Variants in DIAPH3 observed in about 807,000 individuals in gnomAD.
DIAPH3 encodes protein diaphanous homolog 3.
In DIAPH3, 117 loss-of-function variants were observed where a neutral mutation model predicts 144.3. That is an observed-to-expected ratio of 0.81 (90% confidence interval 0.70 to 0.95). DIAPH3 has a LOEUF of 0.95. Among genes scored for constraint, DIAPH3 ranks in the 40% least tolerant of loss-of-function variants. The probability of loss-of-function intolerance (pLI) is 0.00; values close to 1 mark genes in which losing one functional copy is unlikely to be tolerated. For synonymous variants in DIAPH3, 519 were observed against 488.9 expected (o/e 1.06, Z -0.81); for missense variants, 1,421 against 1,412.7 (o/e 1.01, Z -0.09).
chr13:59,684,043 A>AG (rs974004636), intron 27 of DIAPH3, among the ~76,000 whole-genome samples: 7 of 151,410 alleles, frequency 4.6e-5, no homozygotes, highest in African/African-American at 1.7e-4. Flanking sequence ...CCCATTCTGC[A>AG]GGGGGAGGAA....
At chr13:59,731,193 A>G (rs1438781749) in intron 27 of DIAPH3, among the ~76,000 whole-genome samples, 3 of 152,094 alleles carry the variant, frequency 2.0e-5, no homozygotes, top group Admixed American at 2.0e-4. Flanking sequence ...TTATTTATTT[A>G]CTTGCTGTTG....
intron 20 of DIAPH3, among the ~76,000 whole-genome samples, chr13:59,883,829 GTTA>G (rs35762994): frequency 0.017 from 2,578 of 152,270 alleles, 65 homozygotes; most frequent in East Asian, 0.096. Context: ...CTTCACAGTA[GTTA>G]TCAAGTAACA....
chr13:59,832,158 G>A (rs1176694753), intron 24 of DIAPH3, among the ~76,000 whole-genome samples: 2 of 151,732 alleles, frequency 1.3e-5, no homozygotes, highest in East Asian at 3.9e-4. Flanking sequence ...TTCATTTCTG[G>A]CAATGAAAAA....
chr13:59,733,350 C>T (rs2035979863), intron 27 of DIAPH3, among the ~76,000 whole-genome samples: 1 of 152,158 alleles, frequency 6.6e-6, no homozygotes, highest in East Asian at 1.9e-4. Flanking sequence ...AACTTAATTT[C>T]CGTAAAATCT....
chr13:59,857,525 A>T (rs967597343), intron 22 of DIAPH3, among the ~76,000 whole-genome samples: 3 of 152,180 alleles, frequency 2.0e-5, no homozygotes, highest in Non-Finnish European at 2.9e-5. Context: ...GAAACAGAGA[A>T]ATATGGCAAA....
At chr13:59,734,055 C>T (rs937209695) in intron 27 of DIAPH3, among the ~76,000 whole-genome samples, 1 of 152,210 alleles carries the variant, frequency 6.6e-6, no homozygotes, top group African/African-American at 2.4e-5. Flanking sequence ...GGCATGATAT[C>T]ATCAGGAATT....
chr13:59,952,573 A>G (rs919916753), intron 17 of DIAPH3, among the ~76,000 whole-genome samples: 1 of 152,150 alleles, frequency 6.6e-6, no homozygotes, highest in Non-Finnish European at 1.5e-5. Context: ...CTAAAACAGA[A>G]GGAAAAAAAA....
chr13:59,774,274 CTT>C, intron 26 of DIAPH3, 26 bp from the exon 27 acceptor site: 1 of 1,577,278 alleles, frequency 6.3e-7, no homozygotes, highest in Non-Finnish European at 8.7e-7. Flanking sequence ...ATAAAATAAA[CTT>C]AATATAGAGG....
intron 27 of DIAPH3, among the ~76,000 whole-genome samples, chr13:59,738,677 T>G (rs979615931): frequency 1.3e-5 from 2 of 152,194 alleles, no homozygotes; most frequent in Non-Finnish European, 2.9e-5. Context: ...TGAAGGTATC[T>G]TTAAGTGGCA....
At chr13:59,952,786 G>A (rs912806210) in intron 17 of DIAPH3, among the ~76,000 whole-genome samples, 4 of 152,066 alleles carry the variant, frequency 2.6e-5, no homozygotes, top group Non-Finnish European at 4.4e-5. Context: ...AATGAAAAAA[G>A]ACAGTTTGCT....
At chr13:59,671,654 CTTGTAT>C (rs2032382254) in intron 27 of DIAPH3, among the ~76,000 whole-genome samples, 1 of 152,168 alleles carries the variant, frequency 6.6e-6, no homozygotes, top group Non-Finnish European at 1.5e-5. Context: ...ATCCACACAT[CTTGTAT>C]TTGTGTTTCT....
intron 7 of DIAPH3, among the ~76,000 whole-genome samples, chr13:60,013,557 C>T (rs776880204): frequency 1.4e-4 from 22 of 152,130 alleles, no homozygotes; most frequent in Non-Finnish European, 1.6e-4. Context: ...TTTCTTTCCC[C>T]TACGCAATTA....
intron 17 of DIAPH3, among the ~76,000 whole-genome samples, chr13:59,959,219 G>A (rs771623026): frequency 1.3e-5 from 2 of 152,122 alleles, no homozygotes; most frequent in African/African-American, 4.8e-5. Flanking sequence ...TTAAGAAGTT[G>A]AGTCAAAATG....
intron 1 of DIAPH3, among the ~76,000 whole-genome samples, chr13:60,141,461 T>C (rs886643509): frequency 4.6e-5 from 7 of 152,168 alleles, no homozygotes; most frequent in African/African-American, 1.4e-4. Context: ...TCAATGGTGA[T>C]TGGAAGAAAA....
chr13:59,974,031 G>A (rs2050533940), intron 15 of DIAPH3, among the ~76,000 whole-genome samples: 1 of 152,076 alleles, frequency 6.6e-6, no homozygotes, highest in South Asian at 2.1e-4. Context: ...ATTTCTTGTA[G>A]TGGGATAAAG....
intron 23 of DIAPH3, among the ~76,000 whole-genome samples, chr13:59,835,946 C>A (rs1459931841): frequency 1.3e-5 from 2 of 151,648 alleles, no homozygotes; most frequent in Non-Finnish European, 3.0e-5. Flanking sequence ...TCAGAAGTTT[C>A]TAAAGCATTG....
At chr13:59,759,508 TAC>T (rs1566270472) in intron 27 of DIAPH3, among the ~76,000 whole-genome samples, 2 of 152,184 alleles carry the variant, frequency 1.3e-5, no homozygotes, top group African/African-American at 4.8e-5. Flanking sequence ...CATCACTAAA[TAC>T]ATTTCTTTCT....
At chr13:59,754,162 G>T (rs561427183) in intron 27 of DIAPH3, among the ~76,000 whole-genome samples, 51 of 152,224 alleles carry the variant, frequency 3.4e-4, no homozygotes, top group African/African-American at 1.2e-3. Flanking sequence ...TGATATTTTT[G>T]AGGGCATCTT....
intron 5 of DIAPH3, among the ~76,000 whole-genome samples, chr13:60,034,163 A>C (rs1488671256): frequency 6.6e-6 from 1 of 152,210 alleles, no homozygotes. Flanking sequence ...TCTCTCATTG[A>C]AAATATTTAT....
Sources: allele counts gnomAD v4.1 joint callset (sites outside exome capture counted in the v4.1 genomes callset), GRCh38; gene constraint gnomAD v4.1.1; transcripts MANE v1.5; gene names NCBI Gene and HGNC (gene_info 2026-07-23, HGNC 2026-07-21).